The following SMAD3 variants were observed in gnomAD, a reference collection of about 807,000 sequenced individuals.
The protein encoded by SMAD3 is SMAD family member 3.
SMAD3 carries 12 observed loss-of-function variants against 51.8 expected under a neutral mutation model. The ratio of observed to expected loss-of-function variants is 0.23; its 90% CI spans 0.15 to 0.38. The LOEUF is 0.38. SMAD3 is among the 10% of genes least tolerant of loss of function. The pLI, the probability that SMAD3 is intolerant of heterozygous loss-of-function variation, is 1.00. For synonymous variants in SMAD3, 238 were observed against 227.7 expected, an observed-to-expected ratio of 1.05 and a Z score of -0.41; for missense variants, 294 against 565.6, an observed-to-expected ratio of 0.52 and a Z score of 4.87.
At chr15:67,162,228 C>A (rs1962450512) in intron 1 of SMAD3, among the ~76,000 whole-genome samples, 1 of 152,112 alleles carries the variant, frequency 6.6e-6, no homozygotes, top group Non-Finnish European at 1.5e-5. Flanking sequence ...ACAGAGTGCC[C>A]ATGAATTCTC....
intron 1 of SMAD3, among the ~76,000 whole-genome samples, chr15:67,104,156 A>G (rs890000663): frequency 1.3e-5 from 2 of 150,860 alleles, no homozygotes; most frequent in African/African-American, 2.4e-5. Context: ...CTCCGCCCCC[A>G]ACTTTTGACA....
At position 67,190,806 on chromosome 15, in the gene SMAD3, A is replaced by T. The variant is rs1051057461; in HGVS notation, c.*270A>T. ...CTGCTCTGGTGGCTTAAGTGAGCAG[A>T]ACAGGTAGTATTACACCACCGGCCC... On this transcript the variant is annotated 3_prime_UTR_variant, in exon 9 of 9. Coordinates refer to ENST00000327367, the MANE Select transcript of SMAD3 (RefSeq NM_005902.4). The T allele has an allele frequency of 3.8e-6, 2 of 532,078 alleles. No individual in the cohort carries two copies. Among genetic ancestry groups the T allele is most frequent in the African/African-American group, 3.8e-5 (2 of 52,884 alleles). 33.0% of individuals were successfully genotyped at this position (532,078 alleles called of 1,614,324 possible).
intron 1 of SMAD3, among the ~76,000 whole-genome samples, chr15:67,150,453 A>G (rs1046638661): frequency 5.9e-5 from 9 of 151,946 alleles, no homozygotes; most frequent in Non-Finnish European, 1.2e-4. Flanking sequence ...TTACCCCAAA[A>G]GTCTGTGAGA....
Position 67,181,311 on chromosome 15 carries a change from C to T in SMAD3, c.729C>T (p.Arg243=), listed in dbSNP as rs569358776. The T allele has an allele frequency of 2.7e-5, 43 of 1,614,040 alleles. No homozygotes were observed. Among genetic ancestry groups the T allele is most frequent in the South Asian group, 5.5e-5 (5 of 91,070 alleles). The change falls in exon 6 of 9, where the codon CGC becomes CGT. Residue 243 remains arginine, a synonymous_variant. Coordinates refer to ENST00000327367, the MANE Select transcript of SMAD3 (RefSeq NM_005902.4). Reference sequence around the variant, plus strand: ...TCTCCTACTACGAGCTGAACCAGCGCGTCGGGGAGACATTCCACGCCTCGC... The same window carrying T: ...TCTCCTACTACGAGCTGAACCAGCGTGTCGGGGAGACATTCCACGCCTCGC... The part of the protein sequence containing the change: ...CSISYYELNQ[R]VGETFHASQP...
intron 1 of SMAD3, among the ~76,000 whole-genome samples, chr15:67,147,276 G>T (rs1236310104): frequency 6.6e-6 from 1 of 152,182 alleles, no homozygotes; most frequent in Non-Finnish European, 1.5e-5. Flanking sequence ...ACAGCTGGGT[G>T]TGTGCAGGGT....
At position 67,156,457 on chromosome 15, in the gene SMAD3, A is replaced by G. The variant is rs1414042951; in HGVS notation, c.207-8438A>G. The stretch of plus-strand genomic sequence containing the variant: ...CTGGGCATAGGGGTATGCCCCATTT[A>G]GAATTAGGGAAAAGAATCTGAGTCA... On this transcript the variant is annotated intron_variant, in intron 1 of 8. Coordinates refer to ENST00000327367, the MANE Select transcript of SMAD3 (RefSeq NM_005902.4). 2.0e-5 allele frequency among the ~76,000 whole-genome samples: 3 copies of G among 152,220 alleles called. No homozygotes were observed. In the East Asian group the frequency reaches 5.8e-4, roughly 29 times the overall value.
intron 1 of SMAD3, chr15:67,098,609 T>A: frequency 2.1e-6 from 1 of 485,502 alleles, no homozygotes; most frequent in Non-Finnish European, 3.8e-6. Context: ...CAGAGTACAT[T>A]TGAGGCCCAG....
chr15:67,087,648 GT>G (rs1960422468), intron 1 of SMAD3, among the ~76,000 whole-genome samples: 1 of 152,162 alleles, frequency 6.6e-6, no homozygotes, highest in African/African-American at 2.4e-5. Context: ...TTCCCGGCGG[GT>G]GATTATTCCA....
chr15:67,165,365 G>T lies in SMAD3; in HGVS notation c.513G>T (p.Glu171Asp). The T allele has an allele frequency of 2.0e-5, 32 of 1,614,134 alleles. No homozygotes were observed. Among genetic ancestry groups the T allele is most frequent in the Non-Finnish European group, 2.7e-5 (32 of 1,180,032 alleles). ...ACACTAACTTCCCCGCAGGCATCGAGCCCCAGAGCAATATTCCAGGTAGGC... is the reference window on the plus strand; with the variant it reads ...ACACTAACTTCCCCGCAGGCATCGATCCCCAGAGCAATATTCCAGGTAGGC... Reference protein sequence around the residue: ...PENTNFPAGIEPQSNIPETPP... With the variant: ...PENTNFPAGIDPQSNIPETPP... Residue 171 changes from glutamate to aspartate, a missense_variant, in exon 3 of 9, where the codon GAG becomes GAT. Physicochemically the swap from Glu to Asp is conservative, Grantham distance 45 (BLOSUM62 2). Coordinates refer to ENST00000327367, the MANE Select transcript of SMAD3 (RefSeq NM_005902.4).
At chr15:67,067,795 C>T (rs1959961944) in intron 1 of SMAD3, among the ~76,000 whole-genome samples, 1 of 152,058 alleles carries the variant, frequency 6.6e-6, no homozygotes, top group Non-Finnish European at 1.5e-5. Context: ...GATCGGGAGC[C>T]AGAATTGACT....
chr15:67,184,615 C>A, intron 6 of SMAD3, 112 bp from the exon 7 acceptor site: 7 of 1,337,114 alleles, frequency 5.2e-6, no homozygotes, highest in Admixed American at 1.7e-5. Context: ...GGGAAGCTGG[C>A]AGTCACTGGG....
chr15:67,166,737 T>TCTGA, intron 3 of SMAD3, 42 bp from the exon 4 acceptor site: 1 of 1,373,010 alleles, frequency 7.3e-7, no homozygotes, highest in South Asian at 1.2e-5. Context: ...AGAGCCAAGC[T>TCTGA]GTGAAGGCCT....
chr15:67,180,697 G>A (rs1199042758), intron 5 of SMAD3, among the ~76,000 whole-genome samples: 1 of 151,938 alleles, frequency 6.6e-6, no homozygotes, highest in Non-Finnish European at 1.5e-5. Context: ...TCCACAGGCT[G>A]GGAGTTTTTG....
At chr15:67,106,365 G>A (rs1344151637) in intron 1 of SMAD3, among the ~76,000 whole-genome samples, 1 of 152,150 alleles carries the variant, frequency 6.6e-6, no homozygotes, top group Admixed American at 6.5e-5. Context: ...TGCACATGCT[G>A]TTCCTTCTTC....
Position 67,122,001 on chromosome 15 carries a change from G to A in SMAD3, c.207-42894G>A, listed in dbSNP as rs560968886. 2.9e-4 allele frequency among the ~76,000 whole-genome samples: 44 copies of A among 152,316 alleles called. 1 individual carries two copies. The highest frequency in any genetic ancestry group is 9.1e-4 in the African/African-American group (38 of 41,574). On this transcript the variant is annotated intron_variant, in intron 1 of 8. Transcript: ENST00000327367. ...ATACAATTACAAATGCTGTCCCTCA[G>A]TCACACCAGCCGCATTTCAAGTGCA...
chr15:67,147,571 C>T (rs1350584960), intron 1 of SMAD3, among the ~76,000 whole-genome samples: 3 of 152,142 alleles, frequency 2.0e-5, no homozygotes, highest in Non-Finnish European at 4.4e-5. Context: ...ATGCCCCCCA[C>T]CAGCTCCAAA....
At chr15:67,073,439 C>A (rs948992277) in intron 1 of SMAD3, among the ~76,000 whole-genome samples, 1 of 152,028 alleles carries the variant, frequency 6.6e-6, no homozygotes, top group Non-Finnish European at 1.5e-5. Context: ...GCCTTTTTGC[C>A]CCATAAATGC....
intron 1 of SMAD3, among the ~76,000 whole-genome samples, chr15:67,161,912 C>CCA: frequency 6.6e-6 from 1 of 152,290 alleles, no homozygotes; most frequent in East Asian, 1.9e-4. Flanking sequence ...TCTTATGGCT[C>CCA]CACATCCGCC....
chr15:67,149,426 C>G (rs1866317), intron 1 of SMAD3, among the ~76,000 whole-genome samples: 134,602 of 152,188 alleles, frequency 0.88, 59,628 homozygotes, highest in Admixed American at 0.91. Context: ...TCACCTGGAA[C>G]CCTTTGCTTG....
Sources: gnomAD v4.1 joint callset for allele counts (sites outside exome capture counted in the v4.1 genomes callset) on GRCh38, gnomAD v4.1.1 for gene constraint, MANE v1.5 for transcripts, NCBI Gene and HGNC (gene_info 2026-07-23, HGNC 2026-07-21) for gene names.